The following DOK6 variants were observed in gnomAD, a reference collection of about 807,000 sequenced individuals.
The protein encoded by DOK6 is downstream of tyrosine kinase 6.
A neutral mutation model predicts 44.0 loss-of-function variants in DOK6; 22 were observed. That is an observed-to-expected ratio of 0.50 (90% CI 0.36 to 0.71). The LOEUF (loss-of-function observed/expected upper bound fraction) is 0.71. DOK6 is among the 30% of genes least tolerant of loss of function. The probability of loss-of-function intolerance (pLI) is 0.00; values close to 1 mark genes in which losing one functional copy is unlikely to be tolerated. For missense variants in DOK6, 340 were observed against 416.4 expected, an observed-to-expected ratio of 0.82 and a Z score of 1.60; for synonymous variants, 166 against 145.5, an observed-to-expected ratio of 1.14 and a Z score of -1.01.
chr18:69,677,696 G>A lies in DOK6; in HGVS notation c.290-38G>A, dbSNP rs183125730. ...ATATTCTTCTTCCATCATTCCTAGG[G>A]AGCATTGCTTGACTGGTGATGTTGT... is the stretch of plus-strand genomic sequence containing the variant. On this transcript the variant is annotated intron_variant, in intron 3 of 7. Coordinates refer to ENST00000382713, the MANE Select transcript of DOK6 (RefSeq NM_152721.6). The A allele has an allele frequency of 4.4e-5, 71 of 1,611,250 alleles. No individual in the cohort carries two copies. In the African/African-American group the frequency reaches 7.6e-4, roughly 17 times the overall value.
Position 69,614,972 on chromosome 18 carries a change from T to A in DOK6, c.289+15474T>A, listed in dbSNP as rs192907684. 1.9e-3 allele frequency among the ~76,000 whole-genome samples: 291 copies of A among 152,232 alleles called. 1 individual carries two copies. Among genetic ancestry groups the A allele is most frequent in the Non-Finnish European group, 3.2e-3 (218 of 67,970 alleles). On this transcript the variant is annotated intron_variant, in intron 3 of 7. Coordinates refer to ENST00000382713, the MANE Select transcript of DOK6 (RefSeq NM_152721.6). Reference sequence around the variant, plus strand: ...AAGAATAGAAGAAGGGTCCCTCATATAAAGGTTGTATAGTTCAGGTACTCA... The same window carrying A: ...AAGAATAGAAGAAGGGTCCCTCATAAAAAGGTTGTATAGTTCAGGTACTCA...
intron 7 of DOK6, among the ~76,000 whole-genome samples, chr18:69,787,856 A>C (rs1980479073): frequency 6.6e-6 from 1 of 152,192 alleles, no homozygotes. Context: ...GGTTGCAATT[A>C]ATCTGCTTTC....
chr18:69,693,788 G>C (rs1986322730), intron 4 of DOK6, among the ~76,000 whole-genome samples: 1 of 152,014 alleles, frequency 6.6e-6, no homozygotes, highest in Admixed American at 6.5e-5. Context: ...GCCGGGCGCG[G>C]TGGTTCACGC....
chr18:69,666,061 G>T (rs1456889484), intron 3 of DOK6, among the ~76,000 whole-genome samples: 1 of 152,150 alleles, frequency 6.6e-6, no homozygotes, highest in Non-Finnish European at 1.5e-5. Context: ...TATTGACTTG[G>T]AGTTGCGAAG....
chr18:69,510,088 T>TC (rs1981323483), intron 1 of DOK6, among the ~76,000 whole-genome samples: 1 of 152,212 alleles, frequency 6.6e-6, no homozygotes, highest in Non-Finnish European at 1.5e-5. Flanking sequence ...AGACTAATGC[T>TC]CTAATTTGTG....
chr18:69,800,947 C>A (rs548124866), intron 7 of DOK6, among the ~76,000 whole-genome samples: 26 of 152,024 alleles, frequency 1.7e-4, no homozygotes, highest in African/African-American at 5.5e-4. Flanking sequence ...TGCATAGCCA[C>A]CAAAGAAAAT....
rs191035333 is a variant in DOK6, at chr18:69,531,438, G to A, written c.67-33049G>A. 2.2e-3 allele frequency among the ~76,000 whole-genome samples: 331 copies of A among 151,152 alleles called. 1 individual carries two copies. The highest frequency in any genetic ancestry group is 6.8e-3 in the Middle Eastern group (2 of 292). ...ATAATTATAACTGTCTAGTCTTTAC[G>A]AAACAAAAATAAGTCCACTACCAAA... On this transcript the variant is annotated intron_variant, in intron 1 of 7. Transcript: ENST00000382713.
chr18:69,526,540 C>G (rs1159630515), intron 1 of DOK6, among the ~76,000 whole-genome samples: 2 of 152,134 alleles, frequency 1.3e-5, no homozygotes, highest in African/African-American at 2.4e-5. Context: ...ATGAATGATG[C>G]CACTATAAAC....
At chr18:69,561,852 G>A (rs180984556) in intron 1 of DOK6, among the ~76,000 whole-genome samples, 1 of 152,126 alleles carries the variant, frequency 6.6e-6, no homozygotes, top group Non-Finnish European at 1.5e-5. Context: ...ACATGGAAAA[G>A]ACTGTCTTCT....
intron 3 of DOK6, among the ~76,000 whole-genome samples, chr18:69,610,205 T>G (rs1431249070): frequency 6.6e-6 from 1 of 152,196 alleles, no homozygotes; most frequent in Non-Finnish European, 1.5e-5. Context: ...AAAAATGAGT[T>G]CTCACGTTTA....
intron 1 of DOK6, among the ~76,000 whole-genome samples, chr18:69,502,779 A>G (rs1387786073): frequency 6.6e-6 from 1 of 152,130 alleles, no homozygotes; most frequent in Non-Finnish European, 1.5e-5. Flanking sequence ...GCTCCTTTAT[A>G]AAGTACTATG....
intron 3 of DOK6, among the ~76,000 whole-genome samples, chr18:69,637,863 C>T (rs887141861): frequency 3.3e-5 from 5 of 150,944 alleles, no homozygotes; most frequent in Non-Finnish European, 7.4e-5. Context: ...CTTGACATTT[C>T]GGTTGGCAAA....
intron 5 of DOK6, among the ~76,000 whole-genome samples, chr18:69,711,242 C>G (rs1420804771): frequency 2.6e-5 from 4 of 152,156 alleles, no homozygotes; most frequent in Non-Finnish European, 1.5e-5. Context: ...TAAATATTTT[C>G]ATTTACAAGT....
chr18:69,590,062 C>T (rs962944767), intron 2 of DOK6, among the ~76,000 whole-genome samples: 6 of 152,064 alleles, frequency 3.9e-5, no homozygotes, highest in Admixed American at 2.6e-4. Flanking sequence ...TCAGTCTTTG[C>T]TTCTCCCATA....
chr18:69,599,186 G>A (rs1350596151), intron 2 of DOK6, among the ~76,000 whole-genome samples, 198 bp from the exon 3 acceptor site: 1 of 152,018 alleles, frequency 6.6e-6, no homozygotes, highest in African/African-American at 2.4e-5. Context: ...AAACAATATA[G>A]TCTGTGACCA....
intron 1 of DOK6, chr18:69,471,722 TA>T (rs1374661950): frequency 1.3e-5 from 2 of 151,980 alleles, no homozygotes; most frequent in Non-Finnish European, 2.9e-5. Context: ...GTCTAATCAA[TA>T]AATATCGAAT....
chr18:69,818,102 A>G lies in DOK6; in HGVS notation c.857-23142A>G, dbSNP rs180847847. Reference sequence around the variant, plus strand: ...AGGATCCCCTTCAAGTTTAGAACCCAGGAACTTTGAGTACCTTATAAAACC... The same window carrying G: ...AGGATCCCCTTCAAGTTTAGAACCCGGGAACTTTGAGTACCTTATAAAACC... On this transcript the variant is annotated intron_variant, in intron 7 of 7. Transcript: ENST00000382713. Among the ~76,000 whole-genome samples, 450 of 152,276 alleles carry G rather than the reference A, an allele frequency of 3.0e-3. 1 individual carries two copies. The highest frequency in any genetic ancestry group is 0.022 in the South Asian group (106 of 4,826).
intron 3 of DOK6, among the ~76,000 whole-genome samples, chr18:69,673,068 A>G (rs1477599969): frequency 6.6e-6 from 1 of 152,196 alleles, no homozygotes; most frequent in Non-Finnish European, 1.5e-5. Context: ...TTTTCCAAAG[A>G]TTATTAATAA....
intron 6 of DOK6, among the ~76,000 whole-genome samples, chr18:69,750,723 G>A (rs142475830): frequency 1.7e-4 from 26 of 152,258 alleles, no homozygotes; most frequent in African/African-American, 5.3e-4. Flanking sequence ...GCAATTCTAC[G>A]TCTAGGTATG....
Sources: gnomAD v4.1 joint callset for allele counts (sites outside exome capture counted in the v4.1 genomes callset) on GRCh38, gnomAD v4.1.1 for gene constraint, MANE v1.5 for transcripts, NCBI Gene and HGNC (gene_info 2026-07-23, HGNC 2026-07-21) for gene names.